Variants in RP1 observed in about 807,000 individuals in gnomAD.
RP1 encodes the protein oxygen-regulated protein 1.
In RP1, 16 loss-of-function variants were observed where a neutral mutation model predicts 14.8. That is an observed-to-expected ratio of 1.08 (90% CI 0.73 to 1.65). The LOEUF is 1.65. RP1 is among the 40% of genes most tolerant of loss of function. The pLI is 0.00. For synonymous variants in RP1, 876 were observed against 883.6 expected, an observed-to-expected ratio of 0.99 and a Z score of 0.15; for missense variants, 2,631 against 2,535.0, an observed-to-expected ratio of 1.04 and a Z score of -0.81.
At chr8:54,741,997 C>T (rs1002918514) in intron 19 of RP1, among the ~76,000 whole-genome samples, 4 of 151,644 alleles carry the variant, frequency 2.6e-5, no homozygotes, top group African/African-American at 9.7e-5. Context: ...AAAACTGAGG[C>T]TCGATCAAGT....
At chr8:54,814,722 G>T (rs373745027) in intron 24 of RP1, among the ~76,000 whole-genome samples, 31 of 152,298 alleles carry the variant, frequency 2.0e-4, no homozygotes, top group African/African-American at 7.5e-4. Flanking sequence ...AATCACTTCA[G>T]CTATTTTGTC....
At chr8:54,850,497 G>A (rs983100303) in intron 25 of RP1, among the ~76,000 whole-genome samples, 1 of 152,212 alleles carries the variant, frequency 6.6e-6, no homozygotes, top group Admixed American at 6.5e-5. Flanking sequence ...TTGTTAGCTA[G>A]GGCATATGGC....
intron 7 of RP1, among the ~76,000 whole-genome samples, chr8:54,673,502 G>A (rs910066481): frequency 6.6e-6 from 1 of 152,172 alleles, no homozygotes; most frequent in African/African-American, 2.4e-5. Context: ...CACTTTGGAA[G>A]GTTGAGGCGG....
chr8:54,829,504 T>C (rs1811469791), intron 24 of RP1, among the ~76,000 whole-genome samples: 1 of 152,196 alleles, frequency 6.6e-6, no homozygotes, highest in African/African-American at 2.4e-5. Context: ...GAATCACAAG[T>C]ATGTTTTTGG....
chr8:54,564,445 G>A (rs148044387), intron 1 of RP1, among the ~76,000 whole-genome samples: 45 of 152,292 alleles, frequency 3.0e-4, no homozygotes, highest in African/African-American at 9.6e-4. Flanking sequence ...CAGAATGGAA[G>A]TACTGAGCTC....
At chr8:54,725,234 C>A (rs1416925434) in intron 16 of RP1, among the ~76,000 whole-genome samples, 2 of 151,978 alleles carry the variant, frequency 1.3e-5, no homozygotes, top group Non-Finnish European at 2.9e-5. Context: ...AATTTTTTTC[C>A]TCTACAATTA....
chr8:54,774,103 T>C (rs2129376554), downstream of RP1, among the ~76,000 whole-genome samples: 1 of 152,320 alleles, frequency 6.6e-6, no homozygotes, highest in African/African-American at 2.4e-5. Context: ...CTGAGTCAAC[T>C]ATAGATAGTT....
intron 1 of RP1, among the ~76,000 whole-genome samples, chr8:54,574,010 G>A (rs1004331268): frequency 2.0e-5 from 3 of 152,208 alleles, no homozygotes; most frequent in Non-Finnish European, 4.4e-5. Context: ...CTGCTCTCAT[G>A]CTGCTTTCCA....
At chr8:54,699,667 G>T (rs1006666642) in intron 13 of RP1, 1 of 492,920 alleles carries the variant, frequency 2.0e-6, no homozygotes, top group Non-Finnish European at 3.2e-6. Flanking sequence ...TTTCCTTTTG[G>T]CTTGTACTAG....
intron 12 of RP1, chr8:54,696,506 G>A: frequency 3.4e-6 from 3 of 873,674 alleles, no homozygotes; most frequent in South Asian, 1.4e-5. Context: ...GGCACTTTTG[G>A]CAAAGAAGGA....
chr8:54,836,912 T>C (rs192078919), intron 24 of RP1, among the ~76,000 whole-genome samples: 25 of 152,356 alleles, frequency 1.6e-4, no homozygotes, highest in Middle Eastern at 3.4e-3. Context: ...ATATTGCTTA[T>C]TCTGGATAAT....
At chr8:54,707,334 G>A (rs915095017) in intron 15 of RP1, among the ~76,000 whole-genome samples, 1 of 152,078 alleles carries the variant, frequency 6.6e-6, no homozygotes, top group Non-Finnish European at 1.5e-5. Flanking sequence ...ATGTTGCCCA[G>A]GCTGGTCTCC....
At chr8:54,803,233 T>A (rs1022349712) in intron 24 of RP1, among the ~76,000 whole-genome samples, 1 of 152,218 alleles carries the variant, frequency 6.6e-6, no homozygotes, top group Non-Finnish European at 1.5e-5. Flanking sequence ...GTCCATGTGA[T>A]AAATGGACTG....
chr8:54,759,537 T>A (rs911800176), intron 22 of RP1, among the ~76,000 whole-genome samples: 11 of 152,084 alleles, frequency 7.2e-5, no homozygotes, highest in African/African-American at 2.4e-4. Flanking sequence ...CCCATGAGGG[T>A]CAGTCCTGAA....
chr8:54,750,032 G>A (rs1000036736), intron 19 of RP1, among the ~76,000 whole-genome samples: 4 of 152,074 alleles, frequency 2.6e-5, no homozygotes, highest in Non-Finnish European at 5.9e-5. Context: ...CCAGATGGTC[G>A]TGGTCAGCTC....
rs376763874 is a variant in RP1, at chr8:54,811,244, C to T, written c.3616-26206C>T. Reference sequence around the variant, plus strand: ...GTTACTGCTGCCAACTCAAGCCAGGCCTGTCTTCCCATGTCTGCACTTCAC... The same window carrying T: ...GTTACTGCTGCCAACTCAAGCCAGGTCTGTCTTCCCATGTCTGCACTTCAC... On this transcript the variant is annotated intron_variant, in intron 24 of 28. Coordinates refer to the RP1 transcript ENST00000637698. Among the ~76,000 whole-genome samples, 17 of 152,288 alleles carry T rather than the reference C, an allele frequency of 1.1e-4. No homozygotes were observed. The East Asian group carries it at 2.3e-3, about 21-fold the overall frequency.
intron 24 of RP1, among the ~76,000 whole-genome samples, chr8:54,803,175 A>G (rs1427430642): frequency 6.6e-6 from 1 of 152,164 alleles, no homozygotes; most frequent in Non-Finnish European, 1.5e-5. Flanking sequence ...CTTATTTTTT[A>G]GTCTAATCAG....
At chr8:54,598,699 T>G (rs7841577) in intron 1 of RP1, among the ~76,000 whole-genome samples, 128,753 of 152,116 alleles carry the variant, frequency 0.85, 54,748 homozygotes, top group Middle Eastern at 0.9. Context: ...AGCATGCCTT[T>G]GTTACCTGCA....
rs1164113448 is a variant in RP1 at position 54,624,865 on chromosome 8, A to G, written c.983A>G (p.Asp328Gly). 1 of 1,613,670 alleles carries G rather than the reference A, an allele frequency of 6.2e-7. No homozygotes were observed. Among genetic ancestry groups the G allele is most frequent in the East Asian group, 2.2e-5 (1 of 44,872 alleles). Reference protein sequence around the residue: ...DIEKSIIFNQDGTMTVEMKVR... With the variant: ...DIEKSIIFNQGGTMTVEMKVR... ...GAGAAATCAATTATTTTTAATCAAG[A>G]CGGCACTATGACAGTTGAGATGAAA... Residue 328 changes from aspartate (D) to glycine (G), a missense_variant, in exon 4 of 4, where the codon GAC becomes GGC. Coordinates refer to ENST00000220676, the MANE Select transcript of RP1 (RefSeq NM_006269.2).
Sources: allele counts gnomAD v4.1 joint callset (sites outside exome capture counted in the v4.1 genomes callset), GRCh38; gene constraint gnomAD v4.1.1; transcripts MANE v1.5; gene names NCBI Gene and HGNC (gene_info 2026-07-23, HGNC 2026-07-21).